The following CLNK variants were observed in gnomAD, a reference collection of about 807,000 sequenced individuals.
CLNK encodes the protein cytokine-dependent hematopoietic cell linker.
Under a neutral mutation model 68.6 loss-of-function variants are expected in CLNK, and 74 were observed. The ratio of observed to expected loss-of-function variants is 1.08; its 90% CI spans 0.89 to 1.31. The LOEUF (loss-of-function observed/expected upper bound fraction) is 1.31. CLNK is among the 50% of genes most tolerant of loss of function. The pLI is 0.00. For synonymous variants in CLNK, 198 were observed against 172.2 expected, an observed-to-expected ratio of 1.15 and a Z score of -1.17; for missense variants, 553 against 515.3, an observed-to-expected ratio of 1.07 and a Z score of -0.71.
intron 15 of CLNK, among the ~76,000 whole-genome samples, chr4:10,516,678 G>A (rs949962608): frequency 2.0e-5 from 3 of 151,718 alleles, no homozygotes; most frequent in African/African-American, 4.8e-5. Context: ...TCAGCCTCCC[G>A]AGTAGCTGGA....
chr4:10,730,217 T>C, the CLNK span, among the ~76,000 whole-genome samples: 4 of 152,188 alleles, frequency 2.6e-5, no homozygotes, highest in Admixed American at 6.5e-5. Context: ...CACTGCACCA[T>C]TGAACCTCAC....
upstream of CLNK, among the ~76,000 whole-genome samples, chr4:10,689,291 T>C (rs1335621184): frequency 1.3e-5 from 2 of 151,978 alleles, no homozygotes; most frequent in African/African-American, 4.8e-5. Context: ...CAAGACACTG[T>C]ACCAGGCTAA....
chr4:10,629,220 T>C (rs1231908192), intron 2 of CLNK, among the ~76,000 whole-genome samples: 2 of 152,192 alleles, frequency 1.3e-5, no homozygotes, highest in Non-Finnish European at 2.9e-5. Flanking sequence ...TTTGTATGTG[T>C]TTTCTCCAAT....
intron 2 of CLNK, among the ~76,000 whole-genome samples, chr4:10,665,392 G>T (rs1385365110): frequency 2.0e-5 from 3 of 152,126 alleles, no homozygotes; most frequent in Non-Finnish European, 4.4e-5. Flanking sequence ...AGAGTCGGGC[G>T]CGGTGGCTCA....
In CLNK at chr4:10,491,355, T is replaced by C. The variant is rs534331936; in HGVS notation, c.1141-742A>G. Among the ~76,000 whole-genome samples the C allele has an allele frequency of 2.2e-5, 3 of 136,780 alleles. No individual in the cohort carries two copies. The South Asian group carries it at 7.3e-4, about 33-fold the overall frequency. The allele number at this position is 136,780 out of a possible 152,430, so 89.7% of individuals were successfully genotyped here. ...CAACCTTAGCTCTGACCAGCAAAAATATAGAAGATGTAGGCTCGAATGTAG... is the reference window on the plus strand; with the variant it reads ...CAACCTTAGCTCTGACCAGCAAAAACATAGAAGATGTAGGCTCGAATGTAG... On this transcript the variant is annotated intron_variant, in intron 18 of 18. Transcript: ENST00000226951.
chr4:10,537,467 G>C (rs182692752), intron 11 of CLNK, among the ~76,000 whole-genome samples: 1 of 152,034 alleles, frequency 6.6e-6, no homozygotes, highest in African/African-American at 2.4e-5. Flanking sequence ...AATAGAGCGA[G>C]ATTCCATCTC....
chr4:10,524,382 C>G (rs1354424639), intron 14 of CLNK, among the ~76,000 whole-genome samples: 1 of 152,210 alleles, frequency 6.6e-6, no homozygotes, highest in East Asian at 1.9e-4. Flanking sequence ...ACATGCCTGA[C>G]TCTGCCCTAA....
chr4:10,675,478 C>A (rs1253996490), intron 1 of CLNK, among the ~76,000 whole-genome samples: 1 of 152,144 alleles, frequency 6.6e-6, no homozygotes, highest in Non-Finnish European at 1.5e-5. Flanking sequence ...CCTTGTTACC[C>A]TTGAGAACTC....
the CLNK span, among the ~76,000 whole-genome samples, chr4:10,728,034 T>A: frequency 6.6e-6 from 1 of 151,632 alleles, no homozygotes; most frequent in East Asian, 1.9e-4. Context: ...AAAAATATTT[T>A]GCCTCCTAGA....
intron 2 of CLNK, among the ~76,000 whole-genome samples, chr4:10,618,712 C>T (rs1195266463): frequency 6.6e-6 from 1 of 151,994 alleles, no homozygotes; most frequent in African/African-American, 2.4e-5. Context: ...GAAGCAGGCA[C>T]ATCTTCCATG....
rs147915725 is a variant in CLNK, at chr4:10,604,022, G to A, written c.12-5973C>T. ...AGTTATCCTGAGGGCAGGTGTCCCC[G>A]GGGAGCGAGTAGACTGGATATGAAT... is the stretch of plus-strand genomic sequence containing the variant. On this transcript the variant is annotated intron_variant, in intron 2 of 18. Transcript: ENST00000226951. 1.6e-3 allele frequency among the ~76,000 whole-genome samples: 237 copies of A among 152,298 alleles called. 1 individual carries two copies. The highest frequency in any genetic ancestry group is 0.012 in the South Asian group (58 of 4,828).
At chr4:10,523,130 C>G (rs1718148967) in intron 14 of CLNK, among the ~76,000 whole-genome samples, 1 of 152,118 alleles carries the variant, frequency 6.6e-6, no homozygotes, top group Non-Finnish European at 1.5e-5. Flanking sequence ...ACATTCAACA[C>G]ATGTTTTAGA....
chr4:10,631,468 C>T (rs943590083), intron 2 of CLNK, among the ~76,000 whole-genome samples: 1 of 152,180 alleles, frequency 6.6e-6, no homozygotes, highest in African/African-American at 2.4e-5. Flanking sequence ...ATCACAATTA[C>T]AGGCAGCTGT....
chr4:10,605,698 C>A (rs536510209), intron 2 of CLNK, among the ~76,000 whole-genome samples: 1 of 151,482 alleles, frequency 6.6e-6, no homozygotes, highest in South Asian at 2.1e-4. Flanking sequence ...CGTGGTGGTG[C>A]ACACCTGTAG....
chr4:10,699,647 G>A, the CLNK span, among the ~76,000 whole-genome samples: 1 of 150,430 alleles, frequency 6.6e-6, no homozygotes, highest in African/African-American at 2.4e-5. Flanking sequence ...AAAGTAGCTG[G>A]GATTACAGCT....
At chr4:10,495,332 G>T (rs1716760486) in intron 18 of CLNK, among the ~76,000 whole-genome samples, 2 of 152,206 alleles carry the variant, frequency 1.3e-5, no homozygotes, top group African/African-American at 2.4e-5. Flanking sequence ...TCCGCAGGTT[G>T]TTTAAGGCAG....
At chr4:10,661,185 T>C (rs1380259212) in intron 2 of CLNK, among the ~76,000 whole-genome samples, 1 of 152,182 alleles carries the variant, frequency 6.6e-6, no homozygotes, top group Non-Finnish European at 1.5e-5. Flanking sequence ...TGAAGGAAAA[T>C]AATGATCTGG....
chr4:10,652,642 G>A (rs553142176), intron 2 of CLNK, among the ~76,000 whole-genome samples: 2 of 152,234 alleles, frequency 1.3e-5, no homozygotes, highest in Admixed American at 6.5e-5. Context: ...AGTTCACCAG[G>A]AGGGAATAAT....
chr4:10,580,636 T>TAA (rs200604339), intron 4 of CLNK, among the ~76,000 whole-genome samples: 6 of 149,466 alleles, frequency 4.0e-5, no homozygotes, highest in African/African-American at 1.5e-4. Context: ...ATTTAAAAAG[T>TAA]AAAAAAAAAT....
Sources: gnomAD v4.1 joint callset for allele counts (sites outside exome capture counted in the v4.1 genomes callset) on GRCh38, gnomAD v4.1.1 for gene constraint, MANE v1.5 for transcripts, NCBI Gene and HGNC (gene_info 2026-07-23, HGNC 2026-07-21) for gene names.